Variants in KYAT1 observed in about 807,000 individuals in gnomAD.
The protein encoded by KYAT1 is kynurenine--oxoglutarate transaminase 1.
A neutral mutation model predicts 52.4 loss-of-function variants in KYAT1; 47 were observed. The observed-to-expected ratio is 0.90, with a 90% CI of 0.71 to 1.14. The LOEUF (loss-of-function observed/expected upper bound fraction) is 1.14, where lower values mean the gene tolerates loss of function less well. Among genes scored for constraint, KYAT1 ranks in the 50% most tolerant of loss-of-function variants. KYAT1 has a pLI of 0.00. For missense variants in KYAT1, 480 were observed against 557.9 expected (o/e 0.86, Z 1.41); for synonymous variants, 212 against 209.6 (o/e 1.01, Z -0.10).
chr9:128,870,188 A>G (rs561915887), intron 1 of KYAT1, among the ~76,000 whole-genome samples: 89 of 152,226 alleles, frequency 5.8e-4, no homozygotes, highest in Non-Finnish European at 1.1e-3. Context: ...ACAAATGTTT[A>G]TATCAACAGT....
chr9:128,835,866 C>T lies in KYAT1; in HGVS notation c.768G>A (p.Val256=). Residue 256 remains valine, a splice_region_variant and synonymous_variant, in exon 9 of 13, where the codon GTG becomes GTA. Coordinates refer to ENST00000302586, the MANE Select transcript of KYAT1 (RefSeq NM_004059.5). ...TGTGATCTGGACCCAGGACCCAGCC[C>T]ACCTGCAGCAGGGGCGCAGGTAGGG... ...GKTFSATGWK[V]GWVLGPDHIM... is the part of the protein sequence containing the mutation. 1.2e-6 allele frequency: 2 copies of T among 1,614,112 alleles called. No homozygotes were observed. The highest frequency in any genetic ancestry group is 8.5e-7 in the Non-Finnish European group (1 of 1,179,990).
At chr9:128,880,160 A>T (rs1280191628) in intron 1 of KYAT1, among the ~76,000 whole-genome samples, 1 of 152,216 alleles carries the variant, frequency 6.6e-6, no homozygotes, top group East Asian at 1.9e-4. Context: ...AGGCGGGGAC[A>T]TGGAGGCCCA....
chr9:128,836,085 C>T lies in KYAT1; in HGVS notation c.689-12G>A, dbSNP rs543327847. On this transcript the variant is annotated splice_polypyrimidine_tract_variant and intron_variant, in intron 7 of 12. Transcript: ENST00000302586. ...GCCAGGGAGGCTGGCTGCCCAAGGCCGAACAGAACAGCTGCTGAGACTGGG... is the reference window on the plus strand; with the variant it reads ...GCCAGGGAGGCTGGCTGCCCAAGGCTGAACAGAACAGCTGCTGAGACTGGG... 1.6e-5 allele frequency: 26 copies of T among 1,612,986 alleles called. No homozygotes were observed. The highest frequency in any genetic ancestry group is 1.7e-4 in the Middle Eastern group (1 of 6,060).
intron 1 of KYAT1, among the ~76,000 whole-genome samples, chr9:128,845,789 G>A (rs777116719): frequency 9.2e-5 from 14 of 152,314 alleles, no homozygotes; most frequent in Non-Finnish European, 1.5e-4. Flanking sequence ...TGGGTGGAGC[G>A]GAGAGGGAGG....
At chr9:128,840,573 A>G (rs1169409260) in intron 3 of KYAT1, 2 of 423,982 alleles carry the variant, frequency 4.7e-6, no homozygotes, top group South Asian at 3.5e-5. Flanking sequence ...TAAAAGAAAA[A>G]AAAAAGAAAG....
At chr9:128,876,537 C>T (rs1338960882) in intron 1 of KYAT1, among the ~76,000 whole-genome samples, 3 of 151,570 alleles carry the variant, frequency 2.0e-5, no homozygotes, top group Non-Finnish European at 4.4e-5. Flanking sequence ...CCTGCCTCAG[C>T]CTCCCGAGTA....
rs1036261953 is a variant in KYAT1 at position 128,854,178 on chromosome 9, A to G, written c.-6-8767T>C. Among the ~76,000 whole-genome samples the G allele has an allele frequency of 2.6e-5, 4 of 152,254 alleles. No homozygotes were observed. In the East Asian group the frequency reaches 7.7e-4, roughly 29 times the overall value. On this transcript the variant is annotated intron_variant, in intron 1 of 12. Coordinates refer to ENST00000302586, the MANE Select transcript of KYAT1 (RefSeq NM_004059.5). ...CCAAGGACAGGCCATAATTGAAAGAAGTAATAGAACACTCAAAGCTCAATT... is the reference window on the plus strand; with the variant it reads ...CCAAGGACAGGCCATAATTGAAAGAGGTAATAGAACACTCAAAGCTCAATT...
chr9:128,875,143 G>T (rs1159620984), intron 1 of KYAT1, among the ~76,000 whole-genome samples: 1 of 151,746 alleles, frequency 6.6e-6, no homozygotes, highest in African/African-American at 2.4e-5. Context: ...AGTTTCTCTG[G>T]ATGCAGATCT....
intron 1 of KYAT1, among the ~76,000 whole-genome samples, chr9:128,880,897 TTATC>T (rs749045906): frequency 7.5e-4 from 115 of 152,330 alleles, no homozygotes; most frequent in Non-Finnish European, 1.5e-3. Flanking sequence ...TTATTTTTAA[TTATC>T]TATCTGTGCA....
intron 1 of KYAT1, among the ~76,000 whole-genome samples, chr9:128,876,652 C>G (rs1838083284): frequency 6.6e-6 from 1 of 150,810 alleles, no homozygotes; most frequent in South Asian, 2.1e-4. Context: ...ATCTCCTGAC[C>G]TCGTGATCCG....
intron 3 of KYAT1, among the ~76,000 whole-genome samples, chr9:128,842,371 C>G (rs762761664): frequency 1.8e-4 from 28 of 152,194 alleles, no homozygotes; most frequent in Non-Finnish European, 3.7e-4. Context: ...CTCCAGCCCC[C>G]TCCCCAGGTT....
intron 11 of KYAT1, 156 bp downstream of exon 11, chr9:128,835,167 C>A: frequency 1.4e-6 from 1 of 690,046 alleles, no homozygotes. Context: ...AAAAAAGAAA[C>A]AGCCTCCTCA....
intron 1 of KYAT1, among the ~76,000 whole-genome samples, chr9:128,848,917 C>G (rs913138146): frequency 3.3e-5 from 5 of 150,916 alleles, no homozygotes; most frequent in Admixed American, 2.6e-4. Flanking sequence ...CATTTGAGGT[C>G]AGGAGTTTGA....
At chr9:128,868,586 G>A (rs1321630675) in intron 1 of KYAT1, among the ~76,000 whole-genome samples, 1 of 152,048 alleles carries the variant, frequency 6.6e-6, no homozygotes, top group Non-Finnish European at 1.5e-5. Context: ...ACCCAGGATG[G>A]AGTGCAGTGG....
Position 128,838,307 on chromosome 9 carries a change from T to C in KYAT1, c.262A>G (p.Ile88Val), listed in dbSNP as rs1831511185. The change falls in exon 4 of 13, where the codon ATA becomes GTA. Residue 88 changes from isoleucine to valine, a missense_variant. Transcript: ENST00000302586. ...SFFGELLGQE[I>V]DPLRNVLVTV... Reference sequence around the variant, plus strand: ...ACCAGCACATTCCTGAGCGGGTCTATCTCCTGACCCAGCAGCTCCCCAAAG... The same window carrying C: ...ACCAGCACATTCCTGAGCGGGTCTACCTCCTGACCCAGCAGCTCCCCAAAG... The C allele has an allele frequency of 6.2e-7, 1 of 1,614,012 alleles. No individual in the cohort carries two copies. The highest frequency in any genetic ancestry group is 8.5e-7 in the Non-Finnish European group (1 of 1,180,032).
intron 3 of KYAT1, among the ~76,000 whole-genome samples, chr9:128,841,709 A>AG (rs1832213337): frequency 6.6e-6 from 1 of 150,576 alleles, no homozygotes; most frequent in South Asian, 2.1e-4. Flanking sequence ...AAAAAAAAAA[A>AG]AAAAGAATGA....
At chr9:128,865,378 T>G (rs1406653782) in intron 1 of KYAT1, among the ~76,000 whole-genome samples, 1 of 104,606 alleles carries the variant, frequency 9.6e-6, no homozygotes, top group African/African-American at 4.9e-5. Flanking sequence ...TTTTTTTTTT[T>G]TGAGACAGAG....
rs188346786 is a variant in KYAT1 at position 128,836,126 on chromosome 9, G to A, written c.689-53C>T. 1.8e-4 allele frequency: 282 copies of A among 1,555,174 alleles called. No individual in the cohort carries two copies. In the African/African-American group the frequency reaches 3.1e-3, roughly 17 times the overall value. Reference sequence around the variant, plus strand: ...TGAGACTGGGGTGAGGGGGACGGGGGAGGATGGTGGTCTGGGCCCCAGGGG... The same window carrying A: ...TGAGACTGGGGTGAGGGGGACGGGGAAGGATGGTGGTCTGGGCCCCAGGGG... On this transcript the variant is annotated intron_variant, in intron 7 of 12. Coordinates refer to ENST00000302586, the MANE Select transcript of KYAT1 (RefSeq NM_004059.5).
chr9:128,866,049 A>G (rs76950085), intron 1 of KYAT1, among the ~76,000 whole-genome samples: 2 of 152,266 alleles, frequency 1.3e-5, no homozygotes, highest in East Asian at 3.9e-4. Context: ...AGCCTGCCAT[A>G]TGGTAAGTGT....
Sources: allele counts gnomAD v4.1 joint callset (sites outside exome capture counted in the v4.1 genomes callset), GRCh38; gene constraint gnomAD v4.1.1; transcripts MANE v1.5; gene names NCBI Gene and HGNC (gene_info 2026-07-23, HGNC 2026-07-21).